The following SEMA6D variants were observed in gnomAD, a reference collection of about 807,000 sequenced individuals.
SEMA6D encodes semaphorin-6D.
Under a neutral mutation model 106.6 loss-of-function variants are expected in SEMA6D, and 35 were observed. The ratio of observed to expected loss-of-function variants is 0.33; its 90% CI spans 0.25 to 0.44. The LOEUF (loss-of-function observed/expected upper bound fraction) is 0.44, where lower values mean the gene tolerates loss of function less well. Ranked by LOEUF, SEMA6D falls within the 20% of genes least tolerant of loss-of-function variation. SEMA6D has a pLI of 1.00. For missense variants in SEMA6D, 1,185 were observed against 1,345.9 expected (o/e 0.88, Z 1.87); for synonymous variants, 499 against 487.7 (o/e 1.02, Z -0.31).
chr15:47,711,426 C>T (rs1026783388), intron 4 of SEMA6D, among the ~76,000 whole-genome samples: 2 of 152,022 alleles, frequency 1.3e-5, no homozygotes, highest in Non-Finnish European at 2.9e-5. Context: ...CAGTACACTT[C>T]GTGGAACCAA....
intron 2 of SEMA6D, among the ~76,000 whole-genome samples, chr15:47,452,764 A>G (rs1342354361): frequency 1.3e-5 from 2 of 151,862 alleles, no homozygotes; most frequent in African/African-American, 2.4e-5. Context: ...CATTTTGGAG[A>G]TCTTTACTTT....
At chr15:47,499,265 C>T (rs766215025) in intron 3 of SEMA6D, among the ~76,000 whole-genome samples, 22 of 152,060 alleles carry the variant, frequency 1.4e-4, no homozygotes, top group Non-Finnish European at 1.5e-5. Context: ...TCCTCTAATC[C>T]GTCCTCAGAA....
chr15:47,395,042 G>T (rs1252779628), intron 1 of SEMA6D, among the ~76,000 whole-genome samples: 1 of 151,902 alleles, frequency 6.6e-6, no homozygotes, highest in Non-Finnish European at 1.5e-5. Context: ...AGCTTTCCTG[G>T]ACAGTTTTAA....
At chr15:47,358,252 T>A (rs555158167) in intron 1 of SEMA6D, among the ~76,000 whole-genome samples, 2 of 152,230 alleles carry the variant, frequency 1.3e-5, no homozygotes, top group Non-Finnish European at 2.9e-5. Flanking sequence ...GTGGCTGCTT[T>A]CCTGCAGGGA....
At chr15:47,459,684 C>T (rs2042442984) in intron 2 of SEMA6D, among the ~76,000 whole-genome samples, 1 of 152,006 alleles carries the variant, frequency 6.6e-6, no homozygotes, top group African/African-American at 2.4e-5. Context: ...TTATAATAAC[C>T]TCAAAACAAA....
At chr15:47,573,509 C>G (rs2076100817) in intron 3 of SEMA6D, among the ~76,000 whole-genome samples, 1 of 152,208 alleles carries the variant, frequency 6.6e-6, no homozygotes, top group Non-Finnish European at 1.5e-5. Flanking sequence ...TCATTTCTCC[C>G]TTGGGAATAT....
chr15:47,348,727 C>CCACACACACAGAGAGAGAG (rs1555425939), intron 1 of SEMA6D, among the ~76,000 whole-genome samples: 2 of 57,120 alleles, frequency 3.5e-5, no homozygotes, highest in Non-Finnish European at 8.0e-5. Context: ...ACCACACACA[C>CCACACACACAGAGAGAGAG]AGAGAGAGAG....
Position 47,276,994 on chromosome 15 carries a change from G to T in SEMA6D, c.-239+92576G>T, listed in dbSNP as rs776257573. 8.1e-4 allele frequency among the ~76,000 whole-genome samples: 123 copies of T among 152,096 alleles called. 1 individual carries two copies. Among genetic ancestry groups the T allele is most frequent in the Non-Finnish European group, 1.3e-3 (88 of 68,010 alleles). On this transcript the variant is annotated intron_variant, in intron 1 of 19. Transcript: ENST00000558014. ...CAACTCTCATGGATGACCTTGAGGGGTTAATACTTCAGTGGAGGAAATAAC... is the reference window on the plus strand; with the variant it reads ...CAACTCTCATGGATGACCTTGAGGGTTTAATACTTCAGTGGAGGAAATAAC...
intron 1 of SEMA6D, among the ~76,000 whole-genome samples, chr15:47,192,963 ATTAAC>A (rs1465350961): frequency 1.3e-5 from 2 of 152,230 alleles, no homozygotes; most frequent in African/African-American, 4.8e-5. Flanking sequence ...GACATGACAA[ATTAAC>A]TTAATTCTTG....
In SEMA6D at chr15:47,373,109, G is replaced by T. The variant is rs73403047; in HGVS notation, c.-238-39284G>T. Among the ~76,000 whole-genome samples the T allele has an allele frequency of 6.2e-3, 937 of 152,270 alleles. 2 individuals carry two copies. Among genetic ancestry groups the T allele is most frequent in the African/African-American group, 0.022 (895 of 41,536 alleles). On this transcript the variant is annotated intron_variant, in intron 1 of 19. Coordinates refer to the SEMA6D transcript ENST00000558014. ...TCTTATTGTGAAGCACCTGCTTCTT[G>T]CACTGCATTGTCTGGCACAATGACA...
intron 1 of SEMA6D, among the ~76,000 whole-genome samples, chr15:47,225,591 G>A (rs760112324): frequency 4.4e-5 from 6 of 136,992 alleles, no homozygotes; most frequent in Middle Eastern, 8.8e-3. Context: ...GCAGTGGCGC[G>A]ATCTTGGCTC....
At chr15:47,705,549 A>C (rs2078897309) in intron 4 of SEMA6D, among the ~76,000 whole-genome samples, 1 of 152,198 alleles carries the variant, frequency 6.6e-6, no homozygotes, top group Non-Finnish European at 1.5e-5. Flanking sequence ...AATAATTTTC[A>C]TAATTTTTGG....
chr15:47,762,164 AT>A (rs774635317), intron 7 of SEMA6D, 35 bp from the exon 8 acceptor site: 1 of 1,612,646 alleles, frequency 6.2e-7, no homozygotes, highest in Non-Finnish European at 8.5e-7. Flanking sequence ...CAGGATAATT[AT>A]GGTTATCTTA....
intron 3 of SEMA6D, among the ~76,000 whole-genome samples, chr15:47,472,530 T>C (rs903978): frequency 0.38 from 57,676 of 151,964 alleles, 11,709 homozygotes; most frequent in African/African-American, 0.51. Context: ...AGAAGGAACA[T>C]GGGGCTTTGT....
chr15:47,552,825 T>A (rs1228025715), intron 3 of SEMA6D, among the ~76,000 whole-genome samples: 2 of 52,112 alleles, frequency 3.8e-5, no homozygotes, highest in African/African-American at 1.2e-4. Context: ...TAAATATATA[T>A]ATTTTTATAT....
At chr15:47,760,777 G>T (rs1162755588) in intron 3 of SEMA6D, among the ~76,000 whole-genome samples, 1 of 152,162 alleles carries the variant, frequency 6.6e-6, no homozygotes, top group African/African-American at 2.4e-5. Flanking sequence ...GGAGAGAAGA[G>T]CTTTCTTTGC....
chr15:47,492,841 T>C (rs1474857066), intron 3 of SEMA6D, among the ~76,000 whole-genome samples: 1 of 152,110 alleles, frequency 6.6e-6, no homozygotes, highest in Admixed American at 6.6e-5. Context: ...GAGTCAACAT[T>C]TTGCATATAT....
In SEMA6D at chr15:47,330,858, G is replaced by C. The variant is rs139275881; in HGVS notation, c.-238-81535G>C. Among the ~76,000 whole-genome samples the C allele has an allele frequency of 3.3e-3, 508 of 152,244 alleles. 4 individuals are homozygous for C. The highest frequency in any genetic ancestry group is 0.029 in the East Asian group (148 of 5,176). On this transcript the variant is annotated intron_variant, in intron 1 of 19. Transcript: ENST00000558014. ...GGTAGACAAGAGTGTGAGAGTCGCT[G>C]CTTATAGGACATGAGGTATGGACAC...
At chr15:47,548,728 T>C (rs112310222) in intron 3 of SEMA6D, among the ~76,000 whole-genome samples, 1 of 152,156 alleles carries the variant, frequency 6.6e-6, no homozygotes, top group Non-Finnish European at 1.5e-5. Flanking sequence ...CATACACATA[T>C]ATACACACAT....
Sources: gnomAD v4.1 joint callset for allele counts (sites outside exome capture counted in the v4.1 genomes callset) on GRCh38, gnomAD v4.1.1 for gene constraint, MANE v1.5 for transcripts, NCBI Gene and HGNC (gene_info 2026-07-23, HGNC 2026-07-21) for gene names.